The following COL25A1 variants were observed in gnomAD, a reference collection of about 807,000 sequenced individuals.
COL25A1 encodes the protein collagen alpha-1(XXV) chain.
COL25A1 carries 103 observed loss-of-function variants against 128.4 expected under a neutral mutation model. The ratio of observed to expected loss-of-function variants is 0.80; its 90% CI spans 0.68 to 0.94. The LOEUF is 0.94. Ranked by LOEUF, COL25A1 falls within the 40% of genes least tolerant of loss-of-function variation. The pLI is 0.00. For missense variants in COL25A1, 745 were observed against 840.0 expected (o/e 0.89, Z 1.40); for synonymous variants, 279 against 277.2 (o/e 1.01, Z -0.06).
chr4:109,239,996 T>C (rs535235218), intron 3 of COL25A1, among the ~76,000 whole-genome samples: 45 of 152,130 alleles, frequency 3.0e-4, no homozygotes, highest in African/African-American at 1.0e-3. Flanking sequence ...CCACATCTTG[T>C]CTCACTGGAA....
At chr4:109,108,217 T>TCCCC (rs1337070236) in intron 3 of COL25A1, among the ~76,000 whole-genome samples, 5 of 152,134 alleles carry the variant, frequency 3.3e-5, no homozygotes, top group African/African-American at 1.2e-4. Context: ...TGTGTGATGT[T>TCCCC]CCCCTTCCTG....
At chr4:108,930,043 C>T (rs1057293392) in intron 11 of COL25A1, among the ~76,000 whole-genome samples, 2 of 152,102 alleles carry the variant, frequency 1.3e-5, no homozygotes, top group African/African-American at 4.8e-5. Flanking sequence ...GTACCAATAA[C>T]TATTATATGA....
chr4:109,062,397 A>G (rs1341669099), intron 3 of COL25A1, among the ~76,000 whole-genome samples: 3 of 152,226 alleles, frequency 2.0e-5, no homozygotes, highest in Non-Finnish European at 4.4e-5. Flanking sequence ...TTATTATGAT[A>G]TCAAGTAACA....
chr4:109,234,032 G>C (rs1347768304), intron 3 of COL25A1, among the ~76,000 whole-genome samples: 1 of 152,032 alleles, frequency 6.6e-6, no homozygotes, highest in Non-Finnish European at 1.5e-5. Context: ...TGTTCTCAAT[G>C]GTCAATCTAT....
intron 3 of COL25A1, among the ~76,000 whole-genome samples, chr4:109,260,848 AG>A (rs1472821563): frequency 1.3e-5 from 2 of 150,820 alleles, no homozygotes; most frequent in Non-Finnish European, 2.9e-5. Flanking sequence ...CACAATCAGG[AG>A]GAAAAAAAAC....
chr4:109,142,338 T>C (rs1043349989), intron 3 of COL25A1, among the ~76,000 whole-genome samples: 6 of 152,176 alleles, frequency 3.9e-5, no homozygotes, highest in Non-Finnish European at 8.8e-5. Flanking sequence ...TACTTCCAAT[T>C]ATGTGGTCAG....
At chr4:108,963,206 C>T (rs1750926815) in intron 8 of COL25A1, among the ~76,000 whole-genome samples, 1 of 152,110 alleles carries the variant, frequency 6.6e-6, no homozygotes. Flanking sequence ...TCGTGATGCA[C>T]CATTAAAATC....
At chr4:108,961,727 A>T (rs1330568242) in intron 8 of COL25A1, among the ~76,000 whole-genome samples, 1 of 152,088 alleles carries the variant, frequency 6.6e-6, no homozygotes, top group East Asian at 1.9e-4. Flanking sequence ...ATTTCCCTTT[A>T]GCAGTCCCGG....
intron 6 of COL25A1, among the ~76,000 whole-genome samples, chr4:108,989,406 A>T (rs945674197): frequency 2.6e-5 from 4 of 152,134 alleles, no homozygotes; most frequent in South Asian, 4.2e-4. Context: ...TTGCCACGTA[A>T]GAAGTTTCAA....
chr4:109,153,689 A>G (rs1031079057), intron 3 of COL25A1, among the ~76,000 whole-genome samples: 1 of 152,182 alleles, frequency 6.6e-6, no homozygotes. Context: ...GAATTTATAC[A>G]TATTTATTTT....
intron 37 of COL25A1, among the ~76,000 whole-genome samples, chr4:108,815,037 G>GT (rs1373572998): frequency 6.6e-6 from 1 of 152,186 alleles, no homozygotes; most frequent in Non-Finnish European, 1.5e-5. Context: ...GCCAAAAAAT[G>GT]TGTCTATAGG....
At position 109,269,727 on chromosome 4, in the gene COL25A1, T is replaced by C. The variant is rs187826002; in HGVS notation, c.367+30856A>G. Among the ~76,000 whole-genome samples the C allele has an allele frequency of 2.6e-4, 39 of 152,284 alleles. No homozygotes were observed. The East Asian group carries it at 6.2e-3, about 24-fold the overall frequency. ...CATGTGTTTTTTGGCTGCATAAATG[T>C]CTTCTTTCTGATACCAAAGCCGGGC... On this transcript the variant is annotated intron_variant, in intron 3 of 37. Coordinates refer to ENST00000399132, the MANE Select transcript of COL25A1 (RefSeq NM_198721.4).
At position 108,858,441 on chromosome 4, in the gene COL25A1, G is replaced by A. The variant is rs192230135; in HGVS notation, c.1320+1215C>T. Among the ~76,000 whole-genome samples, 134 of 152,206 alleles carry A rather than the reference G, an allele frequency of 8.8e-4. 1 individual carries two copies. Among genetic ancestry groups the A allele is most frequent in the African/African-American group, 3.1e-3 (129 of 41,534 alleles). On this transcript the variant is annotated intron_variant, in intron 24 of 37. Coordinates refer to ENST00000399132, the MANE Select transcript of COL25A1 (RefSeq NM_198721.4). ...GAAATAGCAGCCCCTTGGTGAGACA[G>A]AATAAGTAAAGGACTAAGAATAGTT...
intron 3 of COL25A1, among the ~76,000 whole-genome samples, chr4:109,299,146 G>C (rs1317454887): frequency 4.6e-5 from 7 of 152,062 alleles, no homozygotes; most frequent in African/African-American, 1.7e-4. Context: ...TTTTCACAGA[G>C]CTAGTAAGAA....
chr4:108,901,333 C>T (rs1742831133), intron 13 of COL25A1, among the ~76,000 whole-genome samples, 161 bp from the exon 14 acceptor site: 1 of 152,128 alleles, frequency 6.6e-6, no homozygotes, highest in African/African-American at 2.4e-5. Context: ...CAAAACGCTG[C>T]ATGTAATGGA....
intron 5 of COL25A1, among the ~76,000 whole-genome samples, chr4:109,030,044 C>T (rs1174338877): frequency 2.0e-5 from 3 of 152,138 alleles, no homozygotes; most frequent in African/African-American, 7.2e-5. Flanking sequence ...ACCTCCTGCT[C>T]CTCAGAGTTC....
chr4:108,843,790 T>C (rs927038138), intron 30 of COL25A1, among the ~76,000 whole-genome samples: 15 of 152,228 alleles, frequency 9.9e-5, no homozygotes, highest in African/African-American at 3.6e-4. Flanking sequence ...TATAGTGTGA[T>C]ATTTTGATAC....
Position 109,300,661 on chromosome 4 carries a change from AAAG to A in COL25A1, c.298-12_298-10del. On this transcript the variant is annotated splice_polypyrimidine_tract_variant and intron_variant, in intron 2 of 37. Coordinates refer to ENST00000399132, the MANE Select transcript of COL25A1 (RefSeq NM_198721.4). The stretch of plus-strand genomic sequence containing the variant: ...ATATGTTCATAGGATTTCTGTAGGA[AAAG>A]AAGAGTTATTAATAATCATCAGTAG... 1 of 1,592,746 alleles carries A rather than the reference AAAG, an allele frequency of 6.3e-7. No individual in the cohort carries two copies. The highest frequency in any genetic ancestry group is 8.6e-7 in the Non-Finnish European group (1 of 1,160,604).
chr4:108,989,450 A>C (rs1753963064), intron 6 of COL25A1, among the ~76,000 whole-genome samples: 1 of 152,190 alleles, frequency 6.6e-6, no homozygotes. Flanking sequence ...AAGCAAAATG[A>C]TAATTGATGA....
Sources: gnomAD v4.1 joint callset for allele counts (sites outside exome capture counted in the v4.1 genomes callset) on GRCh38, gnomAD v4.1.1 for gene constraint, MANE v1.5 for transcripts, NCBI Gene and HGNC (gene_info 2026-07-23, HGNC 2026-07-21) for gene names.